Variants in LRRIQ3 observed in about 807,000 individuals in gnomAD.
LRRIQ3 encodes the protein leucine rich repeats and IQ motif containing 3.
LRRIQ3 carries 75 observed loss-of-function variants against 59.3 expected under a neutral mutation model. That is an observed-to-expected ratio of 1.26 (90% CI 1.05 to 1.53). The LOEUF is 1.53. Among genes scored for constraint, LRRIQ3 ranks in the 40% most tolerant of loss-of-function variants. The pLI is 0.00. For missense variants in LRRIQ3, 831 were observed against 710.0 expected (o/e 1.17, Z -1.94); for synonymous variants, 250 against 231.3 (o/e 1.08, Z -0.73).
chr1:74,115,026 C>A (rs888166190), intron 4 of LRRIQ3, among the ~76,000 whole-genome samples: 3 of 151,712 alleles, frequency 2.0e-5, no homozygotes, highest in Non-Finnish European at 4.4e-5. Flanking sequence ...CTAAAATATA[C>A]TATCTTGTCG....
At chr1:74,030,226 A>G (rs182037457) in intron 7 of LRRIQ3, among the ~76,000 whole-genome samples, 1 of 152,208 alleles carries the variant, frequency 6.6e-6, no homozygotes, top group East Asian at 1.9e-4. Flanking sequence ...TGCCATCCCC[A>G]TCAAGCTACC....
chr1:74,109,607 A>T, intron 4 of LRRIQ3, 54 bp from the exon 5 acceptor site: 1 of 1,434,664 alleles, frequency 7.0e-7, no homozygotes, highest in South Asian at 1.4e-5. Context: ...ATTAAAAAAC[A>T]TGAAAATTAG....
At chr1:74,127,766 AC>A in intron 4 of LRRIQ3, among the ~76,000 whole-genome samples, 1 of 152,106 alleles carries the variant, frequency 6.6e-6, no homozygotes, top group Middle Eastern at 3.4e-3. Context: ...CACCACAATT[AC>A]AGTGTTAAAA....
intron 4 of LRRIQ3, among the ~76,000 whole-genome samples, chr1:74,119,696 A>C (rs1275691909): frequency 6.6e-6 from 1 of 152,068 alleles, no homozygotes; most frequent in Non-Finnish European, 1.5e-5. Context: ...TCCTTTCCCC[A>C]CCAAATTAAA....
At chr1:74,103,245 T>C (rs1407728605) in intron 5 of LRRIQ3, among the ~76,000 whole-genome samples, 1 of 152,018 alleles carries the variant, frequency 6.6e-6, no homozygotes, top group African/African-American at 2.4e-5. Context: ...GAGATTTTTC[T>C]AGCTCTTCCC....
intron 3 of LRRIQ3, among the ~76,000 whole-genome samples, chr1:74,163,268 T>G (rs112704873): frequency 2.0e-5 from 3 of 151,758 alleles, no homozygotes; most frequent in African/African-American, 7.2e-5. Flanking sequence ...TTTAATATTA[T>G]GTTCACTTTA....
chr1:74,029,062 T>A (rs1653610620), intron 7 of LRRIQ3, among the ~76,000 whole-genome samples: 1 of 152,154 alleles, frequency 6.6e-6, no homozygotes, highest in African/African-American at 2.4e-5. Context: ...GCACATTGAT[T>A]TTGTATCCTG....
At chr1:74,121,822 G>A (rs1315646334) in intron 4 of LRRIQ3, among the ~76,000 whole-genome samples, 1 of 145,606 alleles carries the variant, frequency 6.9e-6, no homozygotes, top group Non-Finnish European at 1.5e-5. Flanking sequence ...CTATGAGTGA[G>A]AACATGCAGT....
chr1:74,174,311 C>T (rs1649507962), intron 3 of LRRIQ3, among the ~76,000 whole-genome samples: 1 of 151,500 alleles, frequency 6.6e-6, no homozygotes, highest in Admixed American at 6.6e-5. Context: ...ACTGTTGAAA[C>T]TCTCTATTGA....
chr1:74,152,596 T>C (rs1648062432), intron 4 of LRRIQ3, among the ~76,000 whole-genome samples: 1 of 152,194 alleles, frequency 6.6e-6, no homozygotes, highest in Non-Finnish European at 1.5e-5. Context: ...TAACCCTCTG[T>C]GTTGGATTAA....
intron 5 of LRRIQ3, chr1:74,082,234 A>C (rs2100497599): frequency 1.3e-5 from 2 of 151,722 alleles, no homozygotes; most frequent in East Asian, 3.9e-4. Context: ...AAAGTGAGAA[A>C]AACATAGTAG....
At chr1:74,131,722 A>C (rs1055402620) in intron 4 of LRRIQ3, among the ~76,000 whole-genome samples, 1 of 152,176 alleles carries the variant, frequency 6.6e-6, no homozygotes, top group African/African-American at 2.4e-5. Context: ...GATGAGATGT[A>C]TCTCAAAATA....
intron 6 of LRRIQ3, among the ~76,000 whole-genome samples, chr1:74,059,868 A>G (rs1654650611): frequency 6.6e-6 from 1 of 152,068 alleles, no homozygotes; most frequent in Admixed American, 6.6e-5. Context: ...TTAATTCTTC[A>G]GTATAGAAGT....
intron 3 of LRRIQ3, among the ~76,000 whole-genome samples, chr1:74,169,244 G>T: frequency 6.6e-6 from 1 of 151,986 alleles, no homozygotes; most frequent in East Asian, 1.9e-4. Context: ...TGTCACAAAT[G>T]GTAGGATTTC....
At chr1:74,035,452 A>G (rs193266334) in intron 7 of LRRIQ3, among the ~76,000 whole-genome samples, 1 of 152,222 alleles carries the variant, frequency 6.6e-6, no homozygotes, top group Admixed American at 6.5e-5. Flanking sequence ...CAATTAATAA[A>G]ATTTAAATTG....
chr1:74,166,995 T>C (rs1649028963), intron 3 of LRRIQ3, among the ~76,000 whole-genome samples: 1 of 151,954 alleles, frequency 6.6e-6, no homozygotes, highest in Non-Finnish European at 1.5e-5. Context: ...TTTTACACTA[T>C]TGGTGAAAAT....
At chr1:74,108,955 T>G in intron 5 of LRRIQ3, 1 of 332,404 alleles carries the variant, frequency 3.0e-6, no homozygotes, top group Non-Finnish European at 5.8e-6. Flanking sequence ...TGGGATATAG[T>G]AGGCATTCAA....
At chr1:74,035,176 G>C (rs1653832540) in intron 7 of LRRIQ3, among the ~76,000 whole-genome samples, 1 of 152,110 alleles carries the variant, frequency 6.6e-6, no homozygotes, top group Admixed American at 6.6e-5. Flanking sequence ...ATTGTGTTCA[G>C]CTAAGTTACG....
intron 1 of LRRIQ3, among the ~76,000 whole-genome samples, chr1:74,189,311 C>T (rs778623625): frequency 3.3e-5 from 5 of 152,144 alleles, no homozygotes; most frequent in Non-Finnish European, 5.9e-5. Context: ...AGCGTCTCCT[C>T]AGCCACATTC....
Sources: allele counts gnomAD v4.1 joint callset (sites outside exome capture counted in the v4.1 genomes callset), GRCh38; gene constraint gnomAD v4.1.1; transcripts MANE v1.5; gene names NCBI Gene and HGNC (gene_info 2026-07-23, HGNC 2026-07-21).